DCDC1: variants seen among roughly 807,000 people sequenced by gnomAD.
DCDC1 encodes doublecortin domain containing 1.
In DCDC1, 200 loss-of-function variants were observed where a neutral mutation model predicts 178.3. The ratio of observed to expected loss-of-function variants is 1.12; its 90% CI spans 1.00 to 1.26. The LOEUF is 1.26. Among genes scored for constraint, DCDC1 ranks in the 50% most tolerant of loss-of-function variants. The pLI is 0.00. For synonymous variants in DCDC1, 690 were observed against 604.8 expected, an observed-to-expected ratio of 1.14 and a Z score of -2.07; for missense variants, 1,983 against 1,749.2, an observed-to-expected ratio of 1.13 and a Z score of -2.38.
At chr11:31,073,275 G>C (rs1363558776) in intron 18 of DCDC1, among the ~76,000 whole-genome samples, 2 of 152,090 alleles carry the variant, frequency 1.3e-5, no homozygotes, top group East Asian at 1.9e-4. Context: ...TGCATCATTT[G>C]ATAATCAGCG....
intron 1 of DCDC1, among the ~76,000 whole-genome samples, chr11:31,361,516 C>G (rs1194159451): frequency 6.6e-6 from 1 of 152,084 alleles, no homozygotes; most frequent in Non-Finnish European, 1.5e-5. Context: ...GAGTCTTGCC[C>G]TGTTGCCCAG....
At chr11:30,980,660 T>A (rs1259957775) in intron 20 of DCDC1, among the ~76,000 whole-genome samples, 2 of 152,114 alleles carry the variant, frequency 1.3e-5, no homozygotes, top group Non-Finnish European at 2.9e-5. Flanking sequence ...GCAGTCTTAT[T>A]TAAATAAATA....
intron 17 of DCDC1, among the ~76,000 whole-genome samples, chr11:31,081,857 T>C (rs1009576380): frequency 1.3e-5 from 2 of 152,148 alleles, no homozygotes; most frequent in Admixed American, 1.3e-4. Context: ...AAAACAAACC[T>C]CTCATGAAGT....
rs868205792 is a variant in DCDC1, at chr11:30,894,248, C to T, written c.4902G>A (p.Glu1634=). 1.2e-6 allele frequency: 2 copies of T among 1,611,150 alleles called. No homozygotes were observed. Among genetic ancestry groups the T allele is most frequent in the African/African-American group, 2.7e-5 (2 of 74,752 alleles). Residue 1634 remains glutamate, a splice_region_variant and synonymous_variant, in exon 35 of 39, where the codon GAG becomes GAA. Coordinates refer to ENST00000684477, the MANE Select transcript of DCDC1 (RefSeq NM_001387274.1). ...IKLMELIRHT[E]AHLSEIQEME... ...ATGTCCAGAATCCCAAAGAACATAC[C>T]TCTGTATGTCTTATAAGTTCCATGA...
intron 9 of DCDC1, among the ~76,000 whole-genome samples, chr11:31,196,533 T>G (rs1395430797): frequency 6.6e-6 from 1 of 152,152 alleles, no homozygotes; most frequent in South Asian, 2.1e-4. Context: ...CTATAATGAC[T>G]CACTGAACTC....
intron 11 of DCDC1, among the ~76,000 whole-genome samples, chr11:31,111,615 T>C (rs532128157): frequency 8.5e-5 from 13 of 152,274 alleles, no homozygotes; most frequent in Middle Eastern, 3.4e-3. Flanking sequence ...AGGAAACTGG[T>C]AAACCCAACT....
chr11:30,911,786 C>T (rs1176424197), intron 27 of DCDC1, among the ~76,000 whole-genome samples: 1 of 152,168 alleles, frequency 6.6e-6, no homozygotes, highest in Non-Finnish European at 1.5e-5. Context: ...CTGACATGGA[C>T]ACCACATGCT....
chr11:31,322,315 T>C (rs1224834910), intron 3 of DCDC1, among the ~76,000 whole-genome samples: 1 of 151,774 alleles, frequency 6.6e-6, no homozygotes, highest in African/African-American at 2.4e-5. Context: ...AAGCCAAGAG[T>C]TATGTCAGGT....
At chr11:31,280,247 A>G (rs1346524989) in intron 7 of DCDC1, among the ~76,000 whole-genome samples, 1 of 152,172 alleles carries the variant, frequency 6.6e-6, no homozygotes, top group Non-Finnish European at 1.5e-5. Context: ...AGGCAAATGA[A>G]CACAAAACAC....
At chr11:31,025,173 A>G (rs1426118928) in intron 20 of DCDC1, among the ~76,000 whole-genome samples, 1 of 151,822 alleles carries the variant, frequency 6.6e-6, no homozygotes, top group East Asian at 1.9e-4. Flanking sequence ...TGTACAGAGT[A>G]TACTTCCATT....
At chr11:31,331,498 G>T (rs1282618016) in intron 2 of DCDC1, among the ~76,000 whole-genome samples, 4 of 152,172 alleles carry the variant, frequency 2.6e-5, no homozygotes, top group African/African-American at 7.2e-5. Flanking sequence ...TGCCCATTCA[G>T]TATGATATTG....
chr11:30,866,800 TA>T, intron 38 of DCDC1, among the ~76,000 whole-genome samples: 1 of 152,282 alleles, frequency 6.6e-6, no homozygotes, highest in East Asian at 1.9e-4. Flanking sequence ...TCATGTTCTG[TA>T]AACTGACTCC....
At chr11:31,200,516 A>G (rs1442172750) in intron 9 of DCDC1, among the ~76,000 whole-genome samples, 3 of 152,120 alleles carry the variant, frequency 2.0e-5, no homozygotes, top group Non-Finnish European at 4.4e-5. Context: ...TTTTGTCACA[A>G]TGGTCAGAAA....
Position 31,305,551 on chromosome 11 carries a change from T to G in DCDC1, c.754+64A>C, listed in dbSNP as rs2616817. 0.023 allele frequency: 35,579 copies of G among 1,540,456 alleles called. 4,148 individuals carry two copies. The African/African-American group carries it at 0.3, about 13-fold the overall frequency. ...AAAAAGACAGGATGAAAATCATTTTTTAATTGCACCCCTTAAGCAATTCAG... is the reference window on the plus strand; with the variant it reads ...AAAAAGACAGGATGAAAATCATTTTGTAATTGCACCCCTTAAGCAATTCAG... On this transcript the variant is annotated intron_variant, in intron 6 of 38. Transcript: ENST00000684477.
chr11:30,983,197 G>A lies in DCDC1; in HGVS notation c.2592-30629C>T, dbSNP rs189569622. 8.5e-5 allele frequency among the ~76,000 whole-genome samples: 13 copies of A among 152,244 alleles called. No homozygotes were observed. In the East Asian group the frequency reaches 2.3e-3, roughly 27 times the overall value. The stretch of plus-strand genomic sequence containing the variant: ...TTGCTTTGAATATTCTCTGGTCCTT[G>A]TAAATATTCAACAATGGGAATAACA... On this transcript the variant is annotated intron_variant, in intron 20 of 38. Coordinates refer to ENST00000684477, the MANE Select transcript of DCDC1 (RefSeq NM_001387274.1).
At chr11:31,004,066 G>C (rs1951711581) in intron 20 of DCDC1, among the ~76,000 whole-genome samples, 1 of 152,002 alleles carries the variant, frequency 6.6e-6, no homozygotes, top group African/African-American at 2.4e-5. Context: ...TGCTGAGATG[G>C]GGTTTCTGGG....
At chr11:31,066,520 C>T (rs144626611) in intron 18 of DCDC1, among the ~76,000 whole-genome samples, 181 of 152,164 alleles carry the variant, frequency 1.2e-3, no homozygotes, top group African/African-American at 4.1e-3. Context: ...AGTAGAGAAA[C>T]GGCACTAAGG....
intron 20 of DCDC1, among the ~76,000 whole-genome samples, chr11:30,962,351 T>C (rs1949151923): frequency 6.6e-6 from 1 of 151,826 alleles, no homozygotes; most frequent in African/African-American, 2.4e-5. Context: ...TTTTGATAAC[T>C]AGCAAATTAT....
chr11:31,025,716 T>G (rs1953182729), intron 20 of DCDC1, among the ~76,000 whole-genome samples: 1 of 151,842 alleles, frequency 6.6e-6, no homozygotes, highest in South Asian at 2.1e-4. Context: ...AAATGTTTGT[T>G]TTTTCAATTT....
Sources: gnomAD v4.1 joint callset for allele counts (sites outside exome capture counted in the v4.1 genomes callset) on GRCh38, gnomAD v4.1.1 for gene constraint, MANE v1.5 for transcripts, NCBI Gene and HGNC (gene_info 2026-07-23, HGNC 2026-07-21) for gene names.